Variants in DISC1 observed in about 807,000 individuals in gnomAD.
DISC1 encodes DISC1 scaffold protein.
A neutral mutation model predicts 84.5 loss-of-function variants in DISC1; 57 were observed. The observed-to-expected ratio is 0.67, with a 90% CI of 0.55 to 0.84. The LOEUF (loss-of-function observed/expected upper bound fraction) is 0.84. Ranked by LOEUF, DISC1 falls within the 40% of genes least tolerant of loss-of-function variation. The probability of loss-of-function intolerance (pLI) is 0.00; values close to 1 mark genes in which losing one functional copy is unlikely to be tolerated. For synonymous variants in DISC1, 411 were observed against 415.2 expected (o/e 0.99, Z 0.12); for missense variants, 1,000 against 1,057.8 (o/e 0.95, Z 0.76).
chr1:231,626,971 G>A (rs1409413468), intron 1 of DISC1, 37 bp downstream of exon 1: 2 of 1,425,506 alleles, frequency 1.4e-6, no homozygotes, highest in African/African-American at 1.5e-5. Flanking sequence ...CACGTCCTGG[G>A]GGGGTCCTGG....
At chr1:231,692,107 A>G (rs1472861439) in intron 1 of DISC1, among the ~76,000 whole-genome samples, 2 of 152,236 alleles carry the variant, frequency 1.3e-5, no homozygotes, top group Admixed American at 1.3e-4. Flanking sequence ...GGCTTTGGGA[A>G]ACCATGATCC....
chr1:231,644,582 T>C (rs945409608), intron 1 of DISC1, among the ~76,000 whole-genome samples: 20 of 152,140 alleles, frequency 1.3e-4, no homozygotes, highest in Admixed American at 1.0e-3. Context: ...AACCCCCTTA[T>C]TGGGGCTCCA....
At chr1:231,757,158 C>G (rs569074982) in intron 4 of DISC1, among the ~76,000 whole-genome samples, 7 of 152,252 alleles carry the variant, frequency 4.6e-5, no homozygotes, top group African/African-American at 1.7e-4. Context: ...CAAATAAGTG[C>G]CTGCTAACCT....
At chr1:231,712,331 G>A (rs1295710581) in intron 3 of DISC1, among the ~76,000 whole-genome samples, 1 of 152,064 alleles carries the variant, frequency 6.6e-6, no homozygotes, top group Non-Finnish European at 1.5e-5. Context: ...TTTATATACG[G>A]CATAACCACC....
intron 9 of DISC1, among the ~76,000 whole-genome samples, chr1:231,948,137 G>A (rs1386678893): frequency 6.6e-6 from 1 of 152,088 alleles, no homozygotes; most frequent in African/African-American, 2.4e-5. Context: ...ATCATTCTAT[G>A]ATAAAGACAC....
chr1:231,921,263 G>A (rs1029834978), intron 9 of DISC1, among the ~76,000 whole-genome samples: 2 of 152,126 alleles, frequency 1.3e-5, no homozygotes, highest in African/African-American at 2.4e-5. Context: ...TCCAAGGACC[G>A]TGGTCATACC....
At chr1:231,748,359 T>C (rs1003658156) in intron 3 of DISC1, among the ~76,000 whole-genome samples, 2 of 152,246 alleles carry the variant, frequency 1.3e-5, no homozygotes. Flanking sequence ...TTCAGTAAGA[T>C]GTTCACTGTG....
rs1284937518 is a variant in DISC1 at position 232,040,546 on chromosome 1, A to C, written c.*3715A>C. ...GACTAATTCCCTTTTTCTAAGGCAC[A>C]GAGCTGGTAAAATGTGAAGTAATAG... is the stretch of plus-strand genomic sequence containing the variant. On this transcript the variant is annotated 3_prime_UTR_variant, in exon 13 of 13. Coordinates refer to ENST00000439617, the MANE Select transcript of DISC1 (RefSeq NM_018662.3). 6.6e-6 allele frequency: 1 copy of C among 152,206 alleles called. No individual in the cohort carries two copies. Among genetic ancestry groups the C allele is most frequent in the African/African-American group, 2.4e-5 (1 of 41,456 alleles). 9.4% of individuals were successfully genotyped at this position (152,206 alleles called of 1,614,324 possible). A position where few individuals can be genotyped will look rare whatever the true frequency, so the allele number is the denominator to read the frequency against.
chr1:231,851,809 A>T (rs2083922176), intron 9 of DISC1, among the ~76,000 whole-genome samples: 1 of 152,160 alleles, frequency 6.6e-6, no homozygotes, highest in Admixed American at 6.5e-5. Flanking sequence ...GAGGAGGCAG[A>T]GTTCCCCACT....
In DISC1 at chr1:231,737,771, A is replaced by G. The variant is rs552285833; in HGVS notation, c.1118-12155A>G. On this transcript the variant is annotated intron_variant, in intron 3 of 12. Transcript: ENST00000439617. The stretch of plus-strand genomic sequence containing the variant: ...GAGCTCACATATCTCCCTCGTTCTC[A>G]TGCCTGAGCTGGCTCCTTCCTGAGC... Among the ~76,000 whole-genome samples the G allele has an allele frequency of 2.6e-5, 4 of 152,348 alleles. No homozygotes were observed. The South Asian group carries it at 8.3e-4, about 32-fold the overall frequency.
At chr1:232,025,680 T>A (rs1390348651) in intron 11 of DISC1, among the ~76,000 whole-genome samples, 1 of 149,620 alleles carries the variant, frequency 6.7e-6, no homozygotes, top group Non-Finnish European at 1.5e-5. Flanking sequence ...CACTGCAAGC[T>A]CCGCCTCCTG....
Position 232,008,799 on chromosome 1 carries a change from T to C in DISC1, c.2057T>C (p.Leu686Pro), listed in dbSNP as rs1214025416. Reference sequence around the variant, plus strand: ...CTCTGTCTCAGCTGCAAGTGTCCACTGCTTGGGAAAGTGTGGGAAGCTGAC... The same window carrying C: ...CTCTGTCTCAGCTGCAAGTGTCCACCGCTTGGGAAAGTGTGGGAAGCTGAC... ...KNKLCSCKCP[L>P]LGKVWEADLE... Residue 686 changes from leucine (L) to proline (P), a missense_variant, in exon 11 of 13, where the codon CTG (leucine) becomes CCG (proline). By Grantham distance (98) the Leu-to-Pro change is moderately conservative. Coordinates refer to ENST00000439617, the MANE Select transcript of DISC1 (RefSeq NM_018662.3). 3 of 1,572,876 alleles carry C rather than the reference T, an allele frequency of 1.9e-6. No homozygotes were observed. In the East Asian group the frequency reaches 6.7e-5, roughly 35 times the overall value.
chr1:231,843,775 G>C (rs2083252832), intron 9 of DISC1, among the ~76,000 whole-genome samples: 1 of 152,198 alleles, frequency 6.6e-6, no homozygotes, highest in Admixed American at 6.5e-5. Flanking sequence ...AAGAACAGCA[G>C]ATTTGGAAGA....
At chr1:231,786,795 G>A in intron 6 of DISC1, among the ~76,000 whole-genome samples, 1 of 152,086 alleles carries the variant, frequency 6.6e-6, no homozygotes, top group East Asian at 1.9e-4. Flanking sequence ...GCCTGTGCTC[G>A]ACTACTGCTT....
At chr1:231,725,385 T>C (rs1466078145) in intron 3 of DISC1, among the ~76,000 whole-genome samples, 1 of 152,214 alleles carries the variant, frequency 6.6e-6, no homozygotes, top group Non-Finnish European at 1.5e-5. Flanking sequence ...ACTGCCCTTA[T>C]TGCTCATTAG....
At chr1:231,635,084 T>C (rs1051931327) in intron 1 of DISC1, among the ~76,000 whole-genome samples, 5 of 152,132 alleles carry the variant, frequency 3.3e-5, no homozygotes, top group Admixed American at 3.3e-4. Context: ...TTCCTGTGTC[T>C]TCCCAGTTCT....
At chr1:231,691,230 A>G (rs1412374241) in intron 1 of DISC1, among the ~76,000 whole-genome samples, 3 of 152,252 alleles carry the variant, frequency 2.0e-5, no homozygotes, top group African/African-American at 7.2e-5. Context: ...CAGGAGTTCG[A>G]GACCAGCCTG....
chr1:231,763,898 C>CTGAA (rs2075972069), intron 4 of DISC1, among the ~76,000 whole-genome samples: 1 of 152,120 alleles, frequency 6.6e-6, no homozygotes. Flanking sequence ...TTTTCTTTTT[C>CTGAA]TGAATGAATG....
In DISC1 at chr1:232,029,152, T is replaced by C. The variant is rs570218701; in HGVS notation, c.2425+2600T>C. ...TTATGTTTTTTGAGAATTTCACTGA[T>C]CTCTGTTGTGATAAGCGGAGAAGCA... On this transcript the variant is annotated intron_variant, in intron 12 of 12. Transcript: ENST00000439617. Among the ~76,000 whole-genome samples the C allele has an allele frequency of 2.0e-5, 3 of 152,318 alleles. No homozygotes were observed. In the East Asian group the frequency reaches 5.8e-4, roughly 29 times the overall value.
Sources: allele counts gnomAD v4.1 joint callset (sites outside exome capture counted in the v4.1 genomes callset), GRCh38; gene constraint gnomAD v4.1.1; transcripts MANE v1.5; gene names NCBI Gene and HGNC (gene_info 2026-07-23, HGNC 2026-07-21).